The following CFAP44 variants were observed in gnomAD, a reference collection of about 807,000 sequenced individuals.
The protein encoded by CFAP44 is cilia- and flagella-associated protein 44.
Under a neutral mutation model 216.2 loss-of-function variants are expected in CFAP44, and 134 were observed. The ratio of observed to expected loss-of-function variants is 0.62; its 90% CI spans 0.54 to 0.72. CFAP44 has a LOEUF of 0.72. Among genes scored for constraint, CFAP44 ranks in the 30% least tolerant of loss-of-function variants. The probability of loss-of-function intolerance (pLI) is 0.00; values close to 1 mark genes in which losing one functional copy is unlikely to be tolerated. For missense variants in CFAP44, 2,035 were observed against 2,182.1 expected (o/e 0.93, Z 1.34); for synonymous variants, 700 against 727.6 (o/e 0.96, Z 0.61).
At chr3:113,427,039 T>C (rs1348600295) in intron 3 of CFAP44, 148 bp downstream of exon 3, 8 of 844,034 alleles carry the variant, frequency 9.5e-6, no homozygotes, top group Middle Eastern at 3.3e-4. Context: ...TAAAGTACCC[T>C]ACCAAAATAT....
intron 24 of CFAP44, among the ~76,000 whole-genome samples, chr3:113,341,107 T>C (rs1950329429): frequency 1.3e-5 from 2 of 152,232 alleles, no homozygotes; most frequent in South Asian, 4.1e-4. Context: ...TCCAGCCACT[T>C]CTGTGTCTGC....
chr3:113,293,491 G>A (rs1277197565), intron 34 of CFAP44, among the ~76,000 whole-genome samples: 1 of 152,156 alleles, frequency 6.6e-6, no homozygotes, highest in African/African-American at 2.4e-5. Flanking sequence ...AACATATACT[G>A]TGTAAAGAGA....
intron 28 of CFAP44, among the ~76,000 whole-genome samples, chr3:113,310,433 T>C (rs1400222240): frequency 1.3e-5 from 2 of 152,204 alleles, no homozygotes; most frequent in African/African-American, 4.8e-5. Context: ...GAAGTCTGAA[T>C]GGGGAATATA....
At chr3:113,394,784 C>T (rs766666826) in intron 15 of CFAP44, among the ~76,000 whole-genome samples, 14 of 152,220 alleles carry the variant, frequency 9.2e-5, no homozygotes, top group Non-Finnish European at 1.5e-4. Flanking sequence ...ATTTGTGTTG[C>T]GCCTCATTCA....
At chr3:113,410,313 G>A (rs1404792338) in intron 6 of CFAP44, among the ~76,000 whole-genome samples, 2 of 151,768 alleles carry the variant, frequency 1.3e-5, no homozygotes, top group Admixed American at 6.6e-5. Context: ...CCCACCCCAC[G>A]ACAGGCCCCG....
At chr3:113,354,827 C>G (rs553819786) in intron 22 of CFAP44, among the ~76,000 whole-genome samples, 5 of 152,250 alleles carry the variant, frequency 3.3e-5, no homozygotes, top group African/African-American at 1.2e-4. Context: ...CCTACAGGAC[C>G]ACAGCTGATG....
chr3:113,388,465 G>C (rs1259060931), intron 15 of CFAP44, among the ~76,000 whole-genome samples: 1 of 151,558 alleles, frequency 6.6e-6, no homozygotes, highest in Admixed American at 6.6e-5. Flanking sequence ...TAGATAAGAA[G>C]GAAGGAGAGA....
chr3:113,433,678 A>G lies in CFAP44; in HGVS notation c.-5-9T>C. On this transcript the variant is annotated splice_polypyrimidine_tract_variant and intron_variant, in intron 1 of 34. Coordinates refer to ENST00000393845, the MANE Select transcript of CFAP44 (RefSeq NM_001164496.2). ...TGGTTCCTTCATTTCCTCTGTAAGT[A>G]CAAAATGGGGATGAGATATGGATAA... 6.3e-7 allele frequency: 1 copy of G among 1,596,286 alleles called. No individual in the cohort carries two copies. The highest frequency in any genetic ancestry group is 8.6e-7 in the Non-Finnish European group (1 of 1,165,326).
Position 113,396,506 on chromosome 3 carries a change from T to C in CFAP44, c.1779+12A>G. The C allele has an allele frequency of 1.2e-6, 2 of 1,610,958 alleles. No homozygotes were observed. Among genetic ancestry groups the C allele is most frequent in the South Asian group, 1.1e-5 (1 of 90,606 alleles). On this transcript the variant is annotated intron_variant, in intron 14 of 34. Transcript: ENST00000393845. ...AATTTCAACAAGAAAAGAAAGGAAA[T>C]GTACTGCTTACCCCTGTGGCTAGAA... is the stretch of plus-strand genomic sequence containing the variant.
intron 22 of CFAP44, among the ~76,000 whole-genome samples, chr3:113,357,579 A>G (rs1446778739): frequency 6.6e-6 from 1 of 152,286 alleles, no homozygotes; most frequent in East Asian, 1.9e-4. Flanking sequence ...GAAAGAACCA[A>G]CTTGCCTGAC....
chr3:113,372,571 G>A (rs1933204504), intron 18 of CFAP44, among the ~76,000 whole-genome samples: 1 of 152,166 alleles, frequency 6.6e-6, no homozygotes, highest in Admixed American at 6.5e-5. Context: ...ACACACCAGG[G>A]CCTGTTGGGG....
chr3:113,354,116 C>T (rs1950472565), intron 22 of CFAP44, among the ~76,000 whole-genome samples: 1 of 151,350 alleles, frequency 6.6e-6, no homozygotes, highest in South Asian at 2.1e-4. Context: ...TTCCATGTAA[C>T]TTAAATGAAT....
At chr3:113,325,545 C>T (rs146264670) in intron 28 of CFAP44, among the ~76,000 whole-genome samples, 4,375 of 151,722 alleles carry the variant, frequency 0.029, 111 homozygotes, top group East Asian at 0.1. Flanking sequence ...CCTGGGTTCA[C>T]GCCATTCTCC....
chr3:113,300,655 T>G (rs1197805467), intron 32 of CFAP44, among the ~76,000 whole-genome samples: 33 of 152,066 alleles, frequency 2.2e-4, no homozygotes, highest in Non-Finnish European at 5.9e-5. Flanking sequence ...ATCAATTTTT[T>G]TAAAGGCAAA....
chr3:113,395,767 A>G lies in CFAP44; in HGVS notation c.1873T>C (p.Trp625Arg), dbSNP rs765222593. Residue 625 changes from tryptophan to arginine, a missense_variant, in exon 15 of 35, where the codon TGG (tryptophan) becomes CGG (arginine). This residue lies in a region of CFAP44 where 1,883 missense variants were observed against 2,023.7 expected (regional missense o/e 0.93). Transcript: ENST00000393845. ...TGACTTACATGAGACATGGGAGACC[A>G]CATTAACTGACACACAGGTCCAGGA... ...NTPGPVCQLM[W>R]SPMSHPESTL... The G allele has an allele frequency of 6.2e-7, 1 of 1,612,422 alleles. No individual in the cohort carries two copies. The highest frequency in any genetic ancestry group is 8.5e-7 in the Non-Finnish European group (1 of 1,179,298).
At position 113,425,951 on chromosome 3, in the gene CFAP44, T is replaced by C. The variant is rs1356913451; in HGVS notation, c.407+173A>G. ...ACTTATCCCTGTCCTTGTTGTGTGA[T>C]GGCAGCCATAATAAACAAAATGTAA... On this transcript the variant is annotated intron_variant, in intron 4 of 34. Coordinates refer to ENST00000393845, the MANE Select transcript of CFAP44 (RefSeq NM_001164496.2). The C allele has an allele frequency of 2.9e-5, 21 of 714,696 alleles. No individual in the cohort carries two copies. The East Asian group carries it at 5.2e-4, about 18-fold the overall frequency. The allele number at this position is 714,696 out of a possible 1,614,324, so 44.3% of individuals were successfully genotyped here. A position where few individuals can be genotyped will look rare whatever the true frequency, so the allele number is the denominator to read the frequency against.
rs577330307 is a variant in CFAP44, at chr3:113,345,643, A to G, written c.3066-931T>C. ...AATCTCTAGTTCATCTTTCTCTCAT[A>G]GCCCACAGAGTCTTATTTTTAAAAG... On this transcript the variant is annotated intron_variant, in intron 22 of 34. Coordinates refer to ENST00000393845, the MANE Select transcript of CFAP44 (RefSeq NM_001164496.2). Among the ~76,000 whole-genome samples the G allele has an allele frequency of 3.9e-5, 6 of 152,314 alleles. No homozygotes were observed. The East Asian group carries it at 1.2e-3, about 29-fold the overall frequency.
At chr3:113,353,093 T>C (rs1950460277) in intron 22 of CFAP44, among the ~76,000 whole-genome samples, 2 of 152,094 alleles carry the variant, frequency 1.3e-5, no homozygotes, top group South Asian at 4.2e-4. Context: ...GATGGGCAAG[T>C]GGGTCCCAGA....
At chr3:113,319,927 C>T (rs772716517) in intron 28 of CFAP44, among the ~76,000 whole-genome samples, 36 of 151,940 alleles carry the variant, frequency 2.4e-4, no homozygotes, top group Admixed American at 9.8e-4. Context: ...TAATCAGAGA[C>T]TAATTATGAA....
Sources: allele counts gnomAD v4.1 joint callset (sites outside exome capture counted in the v4.1 genomes callset), GRCh38; gene constraint gnomAD v4.1.1; regional missense constraint gnomAD v4.1.1; transcripts MANE v1.5; gene names NCBI Gene and HGNC (gene_info 2026-07-23, HGNC 2026-07-21).